LLGL2: variants seen among roughly 807,000 people sequenced by gnomAD.
The protein encoded by LLGL2 is LLGL scribble cell polarity complex component 2, also known as LLGL2, scribble cell polarity complex component.
In LLGL2, 81 loss-of-function variants were observed where a neutral mutation model predicts 123.2. That is an observed-to-expected ratio of 0.66 (90% CI 0.55 to 0.79). The LOEUF (loss-of-function observed/expected upper bound fraction) is 0.79. LLGL2 is among the 30% of genes least tolerant of loss of function. The pLI is 0.00. For synonymous variants in LLGL2, 577 were observed against 594.1 expected (o/e 0.97, Z 0.42); for missense variants, 1,273 against 1,414.6 (o/e 0.90, Z 1.61).
In LLGL2 at chr17:75,573,107, G is replaced by A. The variant is rs369689230; in HGVS notation, c.2554G>A (p.Gly852Ser). 38 of 1,612,738 alleles carry A rather than the reference G, an allele frequency of 2.4e-5. No homozygotes were observed. Among genetic ancestry groups the A allele is most frequent in the Admixed American group, 3.3e-5 (2 of 59,978 alleles). The stretch of plus-strand genomic sequence containing the variant: ...GCGGCGGGTCAGCGTGGCCCACTTC[G>A]GCAGTCGTCGAGCCGAGGACTACGG... The part of the protein sequence containing the change: ...RVRRVSVAHF[G>S]SRRAEDYGEH... Residue 852 changes from glycine (G) to serine (S), a missense_variant, in exon 20 of 26, where the codon GGC (glycine) becomes AGC (serine). Gly to Ser is a moderately conservative substitution (Grantham distance 56, BLOSUM62 0). Coordinates refer to ENST00000392550, the MANE Select transcript of LLGL2 (RefSeq NM_001031803.2).
In LLGL2 at chr17:75,563,364, C is replaced by G; in HGVS notation, c.727C>G (p.Arg243Gly). Residue 243 changes from arginine (R) to glycine (G), a missense_variant, in exon 8 of 26, where the codon CGC (arginine) becomes GGC (glycine). Transcript: ENST00000392550. ...LENIWWQRDG[R>G]LLVSCHSDGS... is the part of the protein sequence containing the mutation. ...GAACATCTGGTGGCAGCGGGACGGC[C>G]GCCTGCTCGTCAGCTGTCACTCTGA... The G allele has an allele frequency of 6.2e-7, 1 of 1,612,824 alleles. No homozygotes were observed. The highest frequency in any genetic ancestry group is 8.5e-7 in the Non-Finnish European group (1 of 1,179,988).
At chr17:75,548,687 C>T (rs1166984088) in intron 2 of LLGL2, among the ~76,000 whole-genome samples, 4 of 148,650 alleles carry the variant, frequency 2.7e-5, no homozygotes, top group Admixed American at 1.4e-4. Context: ...ACCTGGGAGG[C>T]GGAGGTTGCA....
chr17:75,539,604 G>T (rs1409861219), intron 1 of LLGL2, among the ~76,000 whole-genome samples: 1 of 146,430 alleles, frequency 6.8e-6, no homozygotes, highest in South Asian at 2.2e-4. Flanking sequence ...CCATTTTCTG[G>T]TTACTTTTTT....
intron 2 of LLGL2, among the ~76,000 whole-genome samples, chr17:75,555,501 A>G (rs7219049): frequency 0.011 from 1,681 of 152,236 alleles, 31 homozygotes; most frequent in African/African-American, 0.038. Flanking sequence ...TTCTGGGAAG[A>G]TGGTTGGAAT....
At chr17:75,570,927 T>G (rs781749933) in intron 16 of LLGL2, 23 bp from the exon 17 acceptor site, 3 of 1,592,856 alleles carry the variant, frequency 1.9e-6, no homozygotes, top group Non-Finnish European at 2.6e-6. Flanking sequence ...GAGCTGACCC[T>G]TAGGCTGGCC....
Position 75,569,956 on chromosome 17 carries a change from T to C in LLGL2, c.1582-7T>C, listed in dbSNP as rs1370141001. 1.3e-6 allele frequency: 2 copies of C among 1,577,162 alleles called. No individual in the cohort carries two copies. Among genetic ancestry groups the C allele is most frequent in the African/African-American group, 2.7e-5 (2 of 74,240 alleles). Reference sequence around the variant, plus strand: ...GGGCTTGCTGAGCCACCTGCCACCCTGCGCAGGTGCTGGTACTGGAACTGA... The same window carrying C: ...GGGCTTGCTGAGCCACCTGCCACCCCGCGCAGGTGCTGGTACTGGAACTGA... On this transcript the variant is annotated splice_polypyrimidine_tract_variant and splice_region_variant and intron_variant, in intron 14 of 25. Transcript: ENST00000392550.
At chr17:75,574,313 C>A (rs201034531) in intron 23 of LLGL2, 53 bp downstream of exon 23, 1 of 1,515,568 alleles carries the variant, frequency 6.6e-7, no homozygotes, top group Non-Finnish European at 8.9e-7. Context: ...GAAGGGGGGT[C>A]AGGGTCAAGG....
chr17:75,573,408 C>A, intron 20 of LLGL2, 73 bp from the exon 21 acceptor site: 1 of 1,568,710 alleles, frequency 6.4e-7, no homozygotes, highest in Admixed American at 1.7e-5. Context: ...AGCACTAGCC[C>A]CTACTCCCCC....
In LLGL2 at chr17:75,574,902, G is replaced by A. The variant is rs746591952; in HGVS notation, c.*24G>A. On this transcript the variant is annotated 3_prime_UTR_variant, in exon 26 of 26. Coordinates refer to ENST00000392550, the MANE Select transcript of LLGL2 (RefSeq NM_001031803.2). ...GAGTGGCTGAGCGTCCAGGCTGCGCGATGAGCACACACTACTACTGATGGC... is the reference window on the plus strand; with the variant it reads ...GAGTGGCTGAGCGTCCAGGCTGCGCAATGAGCACACACTACTACTGATGGC... 43 of 1,613,860 alleles carry A rather than the reference G, an allele frequency of 2.7e-5. No homozygotes were observed. Among genetic ancestry groups the A allele is most frequent in the Non-Finnish European group, 3.2e-5 (38 of 1,179,966 alleles).
intron 2 of LLGL2, chr17:75,546,329 T>C (rs1288282747): frequency 6.5e-6 from 1 of 152,680 alleles, no homozygotes; most frequent in African/African-American, 2.4e-5. Context: ...CAGAGGTGAG[T>C]GGTGCCGACT....
At position 75,527,961 on chromosome 17, in the gene LLGL2, A is replaced by AT. The variant is rs146301005; in HGVS notation, c.-31+2146dup. 9.2e-4 allele frequency among the ~76,000 whole-genome samples: 126 copies of AT among 136,306 alleles called. 1 individual carries two copies. The East Asian group carries it at 0.02, about 21-fold the overall frequency. 89.4% of individuals were successfully genotyped at this position (136,306 alleles called of 152,430 possible). On this transcript the variant is annotated intron_variant, in intron 1 of 25. Transcript: ENST00000392550. ...CAGCACCATGCACAGCTAATTTTCTATTTTTTTTTTAGAAAGGGGGTTTTG... is the reference window on the plus strand; with the variant it reads ...CAGCACCATGCACAGCTAATTTTCTATTTTTTTTTTTAGAAAGGGGGTTTTG...
In LLGL2 at chr17:75,573,284, T is replaced by C; in HGVS notation, c.2725+6T>C. On this transcript the variant is annotated splice_donor_region_variant and intron_variant, in intron 20 of 25. Transcript: ENST00000392550. ...CTTCACCAAATATGGCCAAGGTGTTTGAGCCGGGCTGGGTGGGTGTCGGGG... is the reference window on the plus strand; with the variant it reads ...CTTCACCAAATATGGCCAAGGTGTTCGAGCCGGGCTGGGTGGGTGTCGGGG... 1.3e-6 allele frequency: 2 copies of C among 1,590,382 alleles called. No individual in the cohort carries two copies. Among genetic ancestry groups the C allele is most frequent in the Non-Finnish European group, 1.7e-6 (2 of 1,164,128 alleles).
rs1037961768 is a variant in LLGL2, at chr17:75,549,408, C to T, written c.75+5907C>T. On this transcript the variant is annotated intron_variant, in intron 2 of 25. Transcript: ENST00000392550. This position sits in a 1 kb window ranked among gnomAD's most constrained non-coding sequence, Gnocchi z 4.0. ...GGGCAAACAGGCTGCTGTGCTTGCC[C>T]GGCTGCCGCAGAAGCACCTGCCTGG... is the stretch of plus-strand genomic sequence containing the variant. Among the ~76,000 whole-genome samples the T allele has an allele frequency of 3.3e-5, 5 of 152,220 alleles. No individual in the cohort carries two copies. Among genetic ancestry groups the T allele is most frequent in the Admixed American group, 1.3e-4 (2 of 15,290 alleles).
In LLGL2 at chr17:75,543,337, C is replaced by T. The variant is rs547049675; in HGVS notation, c.-30-60C>T. 8.8e-5 allele frequency: 106 copies of T among 1,202,790 alleles called. 1 individual carries two copies. Among genetic ancestry groups the T allele is most frequent in the Non-Finnish European group, 1.0e-4 (87 of 854,508 alleles). The allele number at this position is 1,202,790 out of a possible 1,614,324, so 74.5% of individuals were successfully genotyped here. A position where few individuals can be genotyped will look rare whatever the true frequency, so the allele number is the denominator to read the frequency against. ...GAGGCCCTGCTCCACCTGTTTGGGC[C>T]GGGCCTAATCGATACCTGAGTGCCA... On this transcript the variant is annotated intron_variant, in intron 1 of 25. Coordinates refer to ENST00000392550, the MANE Select transcript of LLGL2 (RefSeq NM_001031803.2).
Position 75,568,602 on chromosome 17 carries a change from CCTG to C in LLGL2, c.1166_1168del (p.Cys389del). 6.2e-7 allele frequency: 1 copy of C among 1,613,982 alleles called. No homozygotes were observed. Among genetic ancestry groups the C allele is most frequent in the Non-Finnish European group, 8.5e-7 (1 of 1,180,038 alleles). On this transcript the variant is annotated inframe_deletion, in exon 11 of 26. Transcript: ENST00000392550. ...GCTTCTCTGCACTGTTCCGCCATCA[CCTG>C]CTCTCACCACGTCTCCAACATCCCG...
intron 1 of LLGL2, among the ~76,000 whole-genome samples, chr17:75,529,545 T>C (rs1218295810): frequency 6.6e-6 from 1 of 151,580 alleles, no homozygotes; most frequent in East Asian, 2.0e-4. Context: ...CCTTCTATCC[T>C]TCATCTCTTT....
In LLGL2 at chr17:75,531,664, T is replaced by A. The variant is rs559388434; in HGVS notation, c.-31+5839T>A. Among the ~76,000 whole-genome samples the A allele has an allele frequency of 1.4e-4, 22 of 151,918 alleles. No individual in the cohort carries two copies. In the South Asian group the frequency reaches 4.6e-3, roughly 32 times the overall value. ...CTGGGGACAGGGCAGGAGACGGGCGTCCCCCAGCGGGGCCACCAGCACTGT... is the reference window on the plus strand; with the variant it reads ...CTGGGGACAGGGCAGGAGACGGGCGACCCCCAGCGGGGCCACCAGCACTGT... On this transcript the variant is annotated intron_variant, in intron 1 of 25. Transcript: ENST00000392550.
chr17:75,526,264 C>T (rs942106299), intron 1 of LLGL2, among the ~76,000 whole-genome samples: 1 of 151,946 alleles, frequency 6.6e-6, no homozygotes, highest in African/African-American at 2.4e-5. Flanking sequence ...GGCTTAGCCC[C>T]TGCCCCTGCC....
chr17:75,536,049 C>G (rs961650777), intron 1 of LLGL2, among the ~76,000 whole-genome samples: 2 of 152,200 alleles, frequency 1.3e-5, no homozygotes, highest in Non-Finnish European at 2.9e-5. Flanking sequence ...GGCTCTAAAC[C>G]CTGGCGCCCG....
Sources: gnomAD v4.1 joint callset for allele counts (sites outside exome capture counted in the v4.1 genomes callset) on GRCh38, gnomAD v4.1.1 for gene constraint, Gnocchi (gnomAD v3.1) non-coding constraint, MANE v1.5 for transcripts, NCBI Gene and HGNC (gene_info 2026-07-23, HGNC 2026-07-21) for gene names.